XYLB: variants seen among roughly 807,000 people sequenced by gnomAD.
The protein encoded by XYLB is xylulokinase.
In XYLB, 62 loss-of-function variants were observed where a neutral mutation model predicts 78.7. The ratio of observed to expected loss-of-function variants is 0.79; its 90% CI spans 0.64 to 0.97. The LOEUF (loss-of-function observed/expected upper bound fraction) is 0.97. Among genes scored for constraint, XYLB ranks in the 50% least tolerant of loss-of-function variants. XYLB has a pLI of 0.00. For missense variants in XYLB, 687 were observed against 676.8 expected (o/e 1.02, Z -0.17); for synonymous variants, 245 against 247.4 (o/e 0.99, Z 0.09).
chr3:38,399,056 A>C (rs962916474), intron 17 of XYLB, among the ~76,000 whole-genome samples: 1 of 149,440 alleles, frequency 6.7e-6, no homozygotes, highest in African/African-American at 2.5e-5. Flanking sequence ...AACAAAAAAC[A>C]AAAAAAAACA....
At chr3:38,436,431 A>T in the XYLB span, among the ~76,000 whole-genome samples, 1 of 152,194 alleles carries the variant, frequency 6.6e-6, no homozygotes, top group East Asian at 1.9e-4. Context: ...CAGTAATAAA[A>T]ATCTTCTTAA....
intron 1 of XYLB, among the ~76,000 whole-genome samples, chr3:38,348,094 T>A (rs1006230354): frequency 6.6e-6 from 1 of 152,226 alleles, no homozygotes; most frequent in Non-Finnish European, 1.5e-5. Flanking sequence ...CATTAATGTC[T>A]CTGGACCACA....
At chr3:38,443,567 G>C in the XYLB span, among the ~76,000 whole-genome samples, 1 of 152,226 alleles carries the variant, frequency 6.6e-6, no homozygotes, top group Non-Finnish European at 1.5e-5. Flanking sequence ...CCCTTTCTCT[G>C]ATTTCACTTT....
At chr3:38,433,665 A>G in the XYLB span, among the ~76,000 whole-genome samples, 1 of 152,186 alleles carries the variant, frequency 6.6e-6, no homozygotes, top group African/African-American at 2.4e-5. Context: ...TCCAATTCCC[A>G]AAAAGTTCTT....
the XYLB span, among the ~76,000 whole-genome samples, chr3:38,440,025 T>G: frequency 6.6e-6 from 1 of 152,076 alleles, no homozygotes; most frequent in Non-Finnish European, 1.5e-5. Context: ...GAGAAATCCT[T>G]TGAGAGTGTG....
intron 8 of XYLB, among the ~76,000 whole-genome samples, chr3:38,369,131 C>A (rs1235530303): frequency 1.3e-5 from 2 of 152,090 alleles, no homozygotes; most frequent in African/African-American, 4.8e-5. Context: ...ATGCTCTGAG[C>A]CTCGTGGGAA....
rs778448210 is a variant in XYLB, at chr3:38,363,016, A to T, written c.290A>T (p.Gln97Leu). Residue 97 changes from glutamine to leucine, a missense_variant and splice_region_variant, in exon 4 of 19, where the codon CAG (glutamine) becomes CTG (leucine). Coordinates refer to ENST00000207870, the MANE Select transcript of XYLB (RefSeq NM_005108.4). ...SQVLALSGAG[Q>L]QHGSIYWKAG... ...GTCCTAGCCTTGTCCGGGGCGGGCC[A>T]GGTTCGTTTGCAGCAGACTCTGTCT... The T allele has an allele frequency of 6.5e-7, 1 of 1,547,598 alleles. No homozygotes were observed. The highest frequency in any genetic ancestry group is 8.7e-7 in the Non-Finnish European group (1 of 1,143,254).
chr3:38,447,008 G>T, the XYLB span, among the ~76,000 whole-genome samples: 1 of 152,188 alleles, frequency 6.6e-6, no homozygotes, highest in African/African-American at 2.4e-5. Context: ...GAAAATATTT[G>T]CTAAGTATTA....
chr3:38,400,990 G>C lies in XYLB; in HGVS notation c.1533+5G>C, dbSNP rs764139636. 33 of 1,613,796 alleles carry C rather than the reference G, an allele frequency of 2.0e-5. No homozygotes were observed. The Admixed American group carries it at 2.2e-4, about 11-fold the overall frequency. The stretch of plus-strand genomic sequence containing the variant: ...CCAAGCCCGGGAGCTTCTCAGGTGA[G>C]AGACCATCGGAATTTGTTTGTAGCA... On this transcript the variant is annotated splice_donor_5th_base_variant and intron_variant, in intron 18 of 18. Transcript: ENST00000207870.
the XYLB span, chr3:38,451,570 G>A: frequency 2.0e-5 from 3 of 152,364 alleles, no homozygotes; most frequent in South Asian, 2.1e-4. Context: ...GCAGTGAGCC[G>A]AGATCGTGCC....
At position 38,372,667 on chromosome 3, in the gene XYLB, T is replaced by C; in HGVS notation, c.778T>C (p.Ser260Pro). ...PSCSVVGAIS[S>P]YYVQRYGFPP... ...CCCCGTCCCTCAGGGAGCCATTTCT[T>C]CCTACTACGTCCAGCGCTACGGATT... The change falls in exon 10 of 19, where the codon TCC becomes CCC. Residue 260 changes from serine (S) to proline (P), a missense_variant. Physicochemically the swap from Ser to Pro is moderately conservative, Grantham distance 74. Transcript: ENST00000207870. 3 of 1,614,142 alleles carry C rather than the reference T, an allele frequency of 1.9e-6. No individual in the cohort carries two copies. Among genetic ancestry groups the C allele is most frequent in the Non-Finnish European group, 2.5e-6 (3 of 1,180,024 alleles).
intron 12 of XYLB, 121 bp downstream of exon 12, chr3:38,375,380 G>A: frequency 1.2e-6 from 1 of 842,058 alleles, no homozygotes; most frequent in East Asian, 2.7e-5. Flanking sequence ...CACTTTCCCG[G>A]GCTCTGCTGG....
At chr3:38,368,303 G>A in intron 8 of XYLB, 46 bp downstream of exon 8, 1 of 1,579,812 alleles carries the variant, frequency 6.3e-7, no homozygotes, top group Admixed American at 1.7e-5. Context: ...TGTGCATGTG[G>A]CATGTGGGTG....
At chr3:38,416,986 C>G (rs73825571), downstream of XYLB, among the ~76,000 whole-genome samples, 95 of 152,170 alleles carry the variant, frequency 6.2e-4, no homozygotes, top group African/African-American at 2.2e-3. Context: ...GAATAGAAAC[C>G]TAGAAATAAC....
downstream of XYLB, among the ~76,000 whole-genome samples, chr3:38,416,945 C>T (rs550326853): frequency 6.6e-6 from 1 of 152,280 alleles, no homozygotes; most frequent in Non-Finnish European, 1.5e-5. Context: ...AAGCACATAA[C>T]ATTTGCATAA....
At chr3:38,365,495 A>C (rs1575472207) in intron 5 of XYLB, 113 bp from the exon 6 acceptor site, 1 of 1,519,590 alleles carries the variant, frequency 6.6e-7, no homozygotes, top group East Asian at 2.3e-5. Flanking sequence ...AACCAAGGTC[A>C]CCTGGGAAGA....
At chr3:38,406,349 A>G (rs1293383447) in intron 18 of XYLB, among the ~76,000 whole-genome samples, 1 of 152,234 alleles carries the variant, frequency 6.6e-6, no homozygotes, top group Non-Finnish European at 1.5e-5. Context: ...AGGAAAACTA[A>G]CAAACAGAAA....
At chr3:38,406,392 C>T (rs1338881114) in intron 18 of XYLB, among the ~76,000 whole-genome samples, 1 of 152,168 alleles carries the variant, frequency 6.6e-6, no homozygotes, top group Non-Finnish European at 1.5e-5. Flanking sequence ...CTGTACATCA[C>T]CATCATCAGA....
downstream of XYLB, among the ~76,000 whole-genome samples, chr3:38,416,707 GAA>G (rs1221218090): frequency 2.6e-5 from 4 of 151,980 alleles, no homozygotes; most frequent in East Asian, 7.7e-4. Flanking sequence ...TAGAATTCAG[GAA>G]AAAATAGACA....
Sources: allele counts gnomAD v4.1 joint callset (sites outside exome capture counted in the v4.1 genomes callset), GRCh38; gene constraint gnomAD v4.1.1; transcripts MANE v1.5; gene names NCBI Gene and HGNC (gene_info 2026-07-23, HGNC 2026-07-21).